Variants in SLC36A1 observed in about 807,000 individuals in gnomAD.
SLC36A1 encodes the protein proton-coupled amino acid transporter 1.
Under a neutral mutation model 47.5 loss-of-function variants are expected in SLC36A1, and 30 were observed. That is an observed-to-expected ratio of 0.63 (90% CI 0.47 to 0.86). SLC36A1 has a LOEUF of 0.86. Ranked by LOEUF, SLC36A1 falls within the 40% of genes least tolerant of loss-of-function variation. The pLI, the probability that SLC36A1 is intolerant of heterozygous loss-of-function variation, is 0.00. For missense variants in SLC36A1, 517 were observed against 606.0 expected, an observed-to-expected ratio of 0.85 and a Z score of 1.54; for synonymous variants, 255 against 249.7, an observed-to-expected ratio of 1.02 and a Z score of -0.20.
At chr5:151,542,843 A>G in the SLC36A1 span, 2 of 1,614,026 alleles carry the variant, frequency 1.2e-6, no homozygotes, top group Non-Finnish European at 8.5e-7. Context: ...ATCTGGTACA[A>G]TTTGGTGGAT....
the SLC36A1 span, among the ~76,000 whole-genome samples, chr5:151,350,307 T>C: frequency 6.6e-6 from 1 of 152,184 alleles, no homozygotes; most frequent in Admixed American, 6.5e-5. Flanking sequence ...ATTACCCCCA[T>C]TTTACAGATG....
At chr5:151,523,614 GCTC>G in the SLC36A1 span, among the ~76,000 whole-genome samples, 1 of 152,214 alleles carries the variant, frequency 6.6e-6, no homozygotes, top group Non-Finnish European at 1.5e-5. Flanking sequence ...TCATTACTAA[GCTC>G]CTGTCTAGGC....
chr5:151,528,572 G>A, the SLC36A1 span, among the ~76,000 whole-genome samples: 50 of 152,280 alleles, frequency 3.3e-4, no homozygotes, highest in South Asian at 4.2e-4. Context: ...CAATCCAGGA[G>A]AGGAAATACT....
the SLC36A1 span, among the ~76,000 whole-genome samples, chr5:151,359,602 C>T: frequency 5.3e-4 from 81 of 152,332 alleles, no homozygotes; most frequent in African/African-American, 1.9e-3. Context: ...CAGTTTTGAA[C>T]ATTTCAATCA....
chr5:151,545,895 C>T, the SLC36A1 span: 1 of 1,614,046 alleles, frequency 6.2e-7, no homozygotes, highest in Non-Finnish European at 8.5e-7. Context: ...TGTCAACCAC[C>T]ACCATGACAT....
chr5:151,436,825 C>T (rs1296009851), upstream of SLC36A1, among the ~76,000 whole-genome samples: 1 of 152,074 alleles, frequency 6.6e-6, no homozygotes, highest in African/African-American at 2.4e-5. Flanking sequence ...TGAACTTCTC[C>T]TATTCATTTC....
At chr5:151,509,408 G>A in the SLC36A1 span, 1 of 152,326 alleles carries the variant, frequency 6.6e-6, no homozygotes, top group African/African-American at 2.4e-5. Flanking sequence ...CCTGGGTCAC[G>A]GACCCATACT....
At chr5:151,400,137 G>T in the SLC36A1 span, among the ~76,000 whole-genome samples, 6 of 152,048 alleles carry the variant, frequency 3.9e-5, no homozygotes, top group Non-Finnish European at 8.8e-5. Context: ...CCCAATGGGT[G>T]GTTTTTCAAC....
rs1163898833 is a variant in SLC36A1 at position 151,465,924 on chromosome 5, C to T, written c.419+755C>T. Among the ~76,000 whole-genome samples, 2 of 143,770 alleles carry T rather than the reference C, an allele frequency of 1.4e-5. 1 individual carries two copies. The highest frequency in any genetic ancestry group is 3.0e-5 in the Non-Finnish European group (2 of 66,458). The allele number at this position is 143,770 out of a possible 152,430, so 94.3% of individuals were successfully genotyped here. A position where few individuals can be genotyped will look rare whatever the true frequency, so the allele number is the denominator to read the frequency against. On this transcript the variant is annotated intron_variant, in intron 5 of 10. Transcript: ENST00000243389. ...TACATTTAAATGTAGGAAATTGATA[C>T]TATCAAGGGCTAAAAATTCTTAAAA...
chr5:151,373,135 A>G, the SLC36A1 span, among the ~76,000 whole-genome samples: 8 of 152,152 alleles, frequency 5.3e-5, no homozygotes. Context: ...ATAAAACTAT[A>G]GATCAAAAAG....
At chr5:151,516,341 C>T in the SLC36A1 span, among the ~76,000 whole-genome samples, 2 of 152,120 alleles carry the variant, frequency 1.3e-5, no homozygotes, top group East Asian at 3.9e-4. Context: ...GAAACCTCGT[C>T]TCTGCTAAAG....
At chr5:151,499,463 A>G in the SLC36A1 span, among the ~76,000 whole-genome samples, 11 of 152,332 alleles carry the variant, frequency 7.2e-5, no homozygotes, top group Admixed American at 3.3e-4. Flanking sequence ...GCGTCACTCC[A>G]TGCCTTAAAA....
chr5:151,421,554 TTTTTTC>T, the SLC36A1 span, among the ~76,000 whole-genome samples: 2 of 147,928 alleles, frequency 1.4e-5, no homozygotes, highest in African/African-American at 5.0e-5. Flanking sequence ...TCTTGTAGAG[TTTTTTC>T]TTTTTCTTTT....
At chr5:151,469,256 T>A (rs1757006559) in intron 7 of SLC36A1, 1 of 701,586 alleles carries the variant, frequency 1.4e-6, no homozygotes, top group East Asian at 2.7e-5. Flanking sequence ...ATCCTGTGAA[T>A]GGATTTACAG....
chr5:151,488,357 G>T lies in SLC36A1; in HGVS notation c.*103G>T. On this transcript the variant is annotated 3_prime_UTR_variant, in exon 11 of 11. Coordinates refer to ENST00000243389, the MANE Select transcript of SLC36A1 (RefSeq NM_078483.4). ...GGTCCAGGCTCTGAGGAAAGTCAGG[G>T]TTGCTGTGTGGGAACCCCTCTGCCT... The T allele has an allele frequency of 1.4e-6, 2 of 1,441,086 alleles. No individual in the cohort carries two copies. Among genetic ancestry groups the T allele is most frequent in the Non-Finnish European group, 9.3e-7 (1 of 1,070,248 alleles). 89.3% of individuals were successfully genotyped at this position (1,441,086 alleles called of 1,614,324 possible). A position where few individuals can be genotyped will look rare whatever the true frequency, so the allele number is the denominator to read the frequency against.
At chr5:151,394,136 G>A in the SLC36A1 span, among the ~76,000 whole-genome samples, 10 of 151,996 alleles carry the variant, frequency 6.6e-5, no homozygotes, top group South Asian at 4.2e-4. Context: ...TTCTCTTCTC[G>A]CTTCATTTCA....
chr5:151,355,051 A>G, the SLC36A1 span, among the ~76,000 whole-genome samples: 1 of 152,304 alleles, frequency 6.6e-6, no homozygotes, highest in South Asian at 2.1e-4. Flanking sequence ...TAAAATGACA[A>G]CAATGAACTG....
intron 1 of SLC36A1, among the ~76,000 whole-genome samples, chr5:151,438,265 G>A (rs1759891576): frequency 6.6e-6 from 1 of 152,150 alleles, no homozygotes; most frequent in Non-Finnish European, 1.5e-5. Context: ...TCTTAAAAGT[G>A]TCTCCACTTG....
At chr5:151,442,764 T>C (rs1752700213), upstream of SLC36A1, among the ~76,000 whole-genome samples, 1 of 152,208 alleles carries the variant, frequency 6.6e-6, no homozygotes, top group African/African-American at 2.4e-5. Context: ...TCTGCTACTC[T>C]GTATCCTCTC....
Sources: allele counts gnomAD v4.1 joint callset (sites outside exome capture counted in the v4.1 genomes callset), GRCh38; gene constraint gnomAD v4.1.1; transcripts MANE v1.5; gene names NCBI Gene and HGNC (gene_info 2026-07-23, HGNC 2026-07-21).